The following SGCZ variants were observed in gnomAD, a reference collection of about 807,000 sequenced individuals.
The protein encoded by SGCZ is sarcoglycan zeta, also known as zeta-sarcoglycan.
A neutral mutation model predicts 41.3 loss-of-function variants in SGCZ; 40 were observed. The ratio of observed to expected loss-of-function variants is 0.97; its 90% CI spans 0.75 to 1.26. The LOEUF (loss-of-function observed/expected upper bound fraction) is 1.26. Ranked by LOEUF, SGCZ falls within the 50% of genes most tolerant of loss-of-function variation. The pLI, the probability that SGCZ is intolerant of heterozygous loss-of-function variation, is 0.00. For missense variants in SGCZ, 552 were observed against 369.8 expected (o/e 1.49, Z -4.04); for synonymous variants, 206 against 137.5 (o/e 1.50, Z -3.49).
chr8:15,035,410 G>A (rs972519519), intron 1 of SGCZ, among the ~76,000 whole-genome samples: 1 of 151,858 alleles, frequency 6.6e-6, no homozygotes, highest in African/African-American at 2.4e-5. Context: ...CAATCACAAA[G>A]GAAAACCATA....
intron 2 of SGCZ, among the ~76,000 whole-genome samples, chr8:14,329,637 G>C (rs1166800298): frequency 6.6e-6 from 1 of 152,010 alleles, no homozygotes; most frequent in South Asian, 2.1e-4. Flanking sequence ...GTATAGATCT[G>C]TGTCCTCCAT....
At chr8:14,885,546 G>C (rs376634367) in intron 1 of SGCZ, among the ~76,000 whole-genome samples, 2 of 152,182 alleles carry the variant, frequency 1.3e-5, no homozygotes, top group East Asian at 3.9e-4. Context: ...ACACTTGCTT[G>C]AACTTCTTTC....
intron 1 of SGCZ, among the ~76,000 whole-genome samples, chr8:14,744,027 G>C (rs1479065189): frequency 6.6e-6 from 1 of 152,076 alleles, no homozygotes; most frequent in African/African-American, 2.4e-5. Context: ...GCCTGAAGAA[G>C]AGGCTGAGCC....
chr8:14,857,374 G>T (rs1290865707), intron 1 of SGCZ, among the ~76,000 whole-genome samples: 1 of 152,142 alleles, frequency 6.6e-6, no homozygotes, highest in East Asian at 1.9e-4. Flanking sequence ...ACAGATGAGA[G>T]ATTTTGCATG....
intron 1 of SGCZ, among the ~76,000 whole-genome samples, chr8:14,835,850 C>A (rs896646812): frequency 7.2e-5 from 11 of 152,124 alleles, no homozygotes; most frequent in African/African-American, 2.7e-4. Flanking sequence ...ACAATCATTA[C>A]AAAGTCTTAA....
chr8:14,396,452 C>T (rs1298218591), intron 2 of SGCZ, among the ~76,000 whole-genome samples: 4 of 152,004 alleles, frequency 2.6e-5, no homozygotes, highest in African/African-American at 4.8e-5. Context: ...ATCACTTAGG[C>T]GTGAAGGATT....
rs115529270 is a variant in SGCZ, at chr8:14,994,619, T to A, written c.39+242966A>T. On this transcript the variant is annotated intron_variant, in intron 1 of 7. Coordinates refer to ENST00000382080, the MANE Select transcript of SGCZ (RefSeq NM_139167.4). Reference sequence around the variant, plus strand: ...AAAAAAGAAGAAGAAAGGGTAACCATGAGGGATGGACTGCTCATGGTAGAT... The same window carrying A: ...AAAAAAGAAGAAGAAAGGGTAACCAAGAGGGATGGACTGCTCATGGTAGAT... 6.2e-3 allele frequency among the ~76,000 whole-genome samples: 929 copies of A among 150,878 alleles called. 11 individuals are homozygous for A. The highest frequency in any genetic ancestry group is 0.022 in the African/African-American group (886 of 41,096).
chr8:14,364,769 A>C (rs921731796), intron 2 of SGCZ, among the ~76,000 whole-genome samples: 1 of 152,042 alleles, frequency 6.6e-6, no homozygotes, highest in Admixed American at 6.6e-5. Context: ...TCATTTGCTC[A>C]TTTTGATATT....
chr8:14,997,005 A>G (rs909508184), intron 1 of SGCZ, among the ~76,000 whole-genome samples: 2 of 152,200 alleles, frequency 1.3e-5, no homozygotes, highest in African/African-American at 4.8e-5. Context: ...TGAAAAGGGT[A>G]GTTATGTTGT....
rs57898016 is a variant in SGCZ at position 14,493,359 on chromosome 8, C to CTT, written c.234+61371_234+61372dup. Among the ~76,000 whole-genome samples the CTT allele has an allele frequency of 1.3e-3, 58 of 44,274 alleles. 12 individuals are homozygous for CTT. The highest frequency in any genetic ancestry group is 1.9e-3 in the Admixed American group (5 of 2,600). 29.0% of individuals were successfully genotyped at this position (44,274 alleles called of 152,430 possible). A position where few individuals can be genotyped will look rare whatever the true frequency, so the allele number is the denominator to read the frequency against. On this transcript the variant is annotated intron_variant, in intron 2 of 7. Coordinates refer to ENST00000382080, the MANE Select transcript of SGCZ (RefSeq NM_139167.4). ...CATACTTTTCCCACTATCATCCTTTCTTTTTTTTTTTTTTTTTTTTTTTTT... is the reference window on the plus strand; with the variant it reads ...CATACTTTTCCCACTATCATCCTTTCTTTTTTTTTTTTTTTTTTTTTTTTTTT...
intron 1 of SGCZ, among the ~76,000 whole-genome samples, chr8:14,824,122 G>C (rs892270230): frequency 3.3e-5 from 5 of 152,056 alleles, no homozygotes; most frequent in Non-Finnish European, 5.9e-5. Flanking sequence ...GATGAGAAAA[G>C]GTTTTTCGAG....
At chr8:14,970,137 T>G (rs1231607467) in intron 1 of SGCZ, among the ~76,000 whole-genome samples, 1 of 152,140 alleles carries the variant, frequency 6.6e-6, no homozygotes, top group African/African-American at 2.4e-5. Flanking sequence ...CTCTAATAAC[T>G]AATGATGTTG....
At chr8:14,777,518 C>A (rs1216028324) in intron 1 of SGCZ, among the ~76,000 whole-genome samples, 1 of 152,076 alleles carries the variant, frequency 6.6e-6, no homozygotes, top group Non-Finnish European at 1.5e-5. Flanking sequence ...GTTGAAGATC[C>A]AATCACAGAC....
chr8:14,682,713 C>T (rs538533218), intron 1 of SGCZ, among the ~76,000 whole-genome samples: 24 of 152,276 alleles, frequency 1.6e-4, no homozygotes, highest in South Asian at 1.0e-3. Flanking sequence ...GGATTACAGG[C>T]GTGAGCCACC....
At chr8:14,618,516 G>A (rs528518881) in intron 1 of SGCZ, among the ~76,000 whole-genome samples, 1 of 152,256 alleles carries the variant, frequency 6.6e-6, no homozygotes, top group South Asian at 2.1e-4. Context: ...TGAAAACAGG[G>A]AGGCAATACT....
At chr8:14,299,850 T>C (rs1337899055) in intron 3 of SGCZ, among the ~76,000 whole-genome samples, 1 of 148,364 alleles carries the variant, frequency 6.7e-6, no homozygotes, top group Non-Finnish European at 1.5e-5. Flanking sequence ...AAAAAGAATA[T>C]AGTATCTTTA....
chr8:14,372,120 A>T (rs1194865461), intron 2 of SGCZ, among the ~76,000 whole-genome samples: 1 of 152,154 alleles, frequency 6.6e-6, no homozygotes, highest in Non-Finnish European at 1.5e-5. Context: ...GATATACAAT[A>T]AGAAAGGAAA....
chr8:15,195,145 A>G (rs973661292), intron 1 of SGCZ, among the ~76,000 whole-genome samples: 1 of 152,178 alleles, frequency 6.6e-6, no homozygotes, highest in East Asian at 1.9e-4. Context: ...AAACTGTAAT[A>G]CAGTCTCTAA....
At chr8:14,131,049 A>G (rs758885360) in intron 5 of SGCZ, among the ~76,000 whole-genome samples, 22 of 152,082 alleles carry the variant, frequency 1.4e-4, no homozygotes, top group Admixed American at 3.3e-4. Flanking sequence ...GAATAGGGAG[A>G]TCTGTTTGGA....
Sources: allele counts gnomAD v4.1 joint callset (sites outside exome capture counted in the v4.1 genomes callset), GRCh38; gene constraint gnomAD v4.1.1; transcripts MANE v1.5; gene names NCBI Gene and HGNC (gene_info 2026-07-23, HGNC 2026-07-21).